Variants in ST13 observed in about 807,000 individuals in gnomAD.
ST13 encodes ST13 Hsp70 interacting protein.
ST13 carries 23 observed loss-of-function variants against 56.7 expected under a neutral mutation model. The ratio of observed to expected loss-of-function variants is 0.41; its 90% confidence interval spans 0.29 to 0.57. The LOEUF is 0.57. Among genes scored for constraint, ST13 ranks in the 20% least tolerant of loss-of-function variants. The pLI, the probability that ST13 is intolerant of heterozygous loss-of-function variation, is 0.36. For synonymous variants in ST13, 132 were observed against 142.4 expected, an observed-to-expected ratio of 0.93 and a Z score of 0.52; for missense variants, 369 against 459.9, an observed-to-expected ratio of 0.80 and a Z score of 1.81.
At chr22:40,854,255 G>A (rs956887079) in intron 1 of ST13, among the ~76,000 whole-genome samples, 1 of 152,162 alleles carries the variant, frequency 6.6e-6, no homozygotes. Context: ...GGCAGAGAGA[G>A]AAACTGACAC....
intron 4 of ST13, 91 bp downstream of exon 4, chr22:40,844,748 T>C (rs796912491): frequency 2.1e-5 from 24 of 1,119,162 alleles, no homozygotes; most frequent in South Asian, 5.6e-5. Context: ...ACTATGCGCT[T>C]TTCCTGGAAG....
chr22:40,832,554 T>G lies in ST13; in HGVS notation c.681+15A>C. The G allele has an allele frequency of 6.3e-7, 1 of 1,591,686 alleles. No individual in the cohort carries two copies. The highest frequency in any genetic ancestry group is 8.6e-7 in the Non-Finnish European group (1 of 1,163,104). Reference sequence around the variant, plus strand: ...TATTTAACTAATGACTTTCCCTTTCTCTACTTTGACATACCCTAGGTTGAA... The same window carrying G: ...TATTTAACTAATGACTTTCCCTTTCGCTACTTTGACATACCCTAGGTTGAA... On this transcript the variant is annotated intron_variant, in intron 8 of 11. Transcript: ENST00000216218.
At chr22:40,829,700 T>C (rs1418742360) in intron 9 of ST13, 26 bp from the exon 10 acceptor site, 35 of 1,366,764 alleles carry the variant, frequency 2.6e-5, no homozygotes, top group Non-Finnish European at 3.3e-5. Context: ...AAATAAATTA[T>C]ATAATAGAAG....
chr22:40,834,904 G>C (rs889557163), intron 7 of ST13, among the ~76,000 whole-genome samples: 1 of 152,164 alleles, frequency 6.6e-6, no homozygotes, highest in African/African-American at 2.4e-5. Flanking sequence ...TAATACAGTT[G>C]TCCTAAAAAC....
At chr22:40,832,401 C>G (rs576383691) in intron 8 of ST13, among the ~76,000 whole-genome samples, 168 bp downstream of exon 8, 1 of 152,300 alleles carries the variant, frequency 6.6e-6, no homozygotes, top group South Asian at 2.1e-4. Flanking sequence ...AGCATGAAAA[C>G]CTAATGAGAT....
At chr22:40,837,417 ACCAGC>A (rs1322213868) in intron 5 of ST13, among the ~76,000 whole-genome samples, 1 of 152,106 alleles carries the variant, frequency 6.6e-6, no homozygotes, top group Non-Finnish European at 1.5e-5. Context: ...GGAGTTCAAG[ACCAGC>A]CTGACCAACA....
At chr22:40,848,255 C>T (rs1231141543) in intron 3 of ST13, 39 bp downstream of exon 3, 1 of 1,434,700 alleles carries the variant, frequency 7.0e-7, no homozygotes, top group Non-Finnish European at 9.8e-7. Context: ...AGTATCACAT[C>T]ATAGGTTTTC....
chr22:40,827,736 G>A (rs2057735589), intron 10 of ST13, among the ~76,000 whole-genome samples: 1 of 151,838 alleles, frequency 6.6e-6, no homozygotes, highest in Non-Finnish European at 1.5e-5. Flanking sequence ...CCTGACCCCA[G>A]GTGACCTGCC....
At chr22:40,842,647 A>G (rs1449628638) in intron 4 of ST13, among the ~76,000 whole-genome samples, 2 of 152,246 alleles carry the variant, frequency 1.3e-5, no homozygotes, top group Non-Finnish European at 2.9e-5. Context: ...GAAGGAGGCA[A>G]TATTTAATAA....
intron 3 of ST13, 110 bp from the exon 4 acceptor site, chr22:40,845,019 G>A (rs1477923296): frequency 1.0e-5 from 7 of 696,086 alleles, no homozygotes; most frequent in Non-Finnish European, 1.6e-5. Flanking sequence ...ATTATTTTAA[G>A]TATTGATGCA....
At chr22:40,837,094 C>G (rs1315556513) in intron 5 of ST13, among the ~76,000 whole-genome samples, 1 of 152,222 alleles carries the variant, frequency 6.6e-6, no homozygotes, top group Admixed American at 6.5e-5. Context: ...GGGATTACCA[C>G]TGTGCCAGGC....
In ST13 at chr22:40,853,360, T is replaced by TA. The variant is rs544832874; in HGVS notation, c.111-2481dup. On this transcript the variant is annotated intron_variant, in intron 1 of 11. Transcript: ENST00000216218. The stretch of plus-strand genomic sequence containing the variant: ...ATTGTTGCAAAAAAAATAAAAACTT[T>TA]AAAAAAAAAAGAGGATTTACTCATA... 3.8e-4 allele frequency among the ~76,000 whole-genome samples: 56 copies of TA among 148,876 alleles called. 1 individual carries two copies. Among genetic ancestry groups the TA allele is most frequent in the South Asian group, 1.1e-3 (5 of 4,712 alleles).
chr22:40,827,699 T>A (rs575883549), intron 10 of ST13, among the ~76,000 whole-genome samples: 1 of 152,092 alleles, frequency 6.6e-6, no homozygotes, highest in African/African-American at 2.4e-5. Flanking sequence ...TATTTTTATA[T>A]CAAGTTGGCC....
At chr22:40,844,531 T>C (rs1362428318) in intron 4 of ST13, among the ~76,000 whole-genome samples, 1 of 152,166 alleles carries the variant, frequency 6.6e-6, no homozygotes, top group African/African-American at 2.4e-5. Flanking sequence ...CATTCTGTAA[T>C]ACAATTTGGC....
In ST13 at chr22:40,825,360, C is replaced by CATT. The variant is rs2057722767; in HGVS notation, c.*1177_*1178insAAT. On this transcript the variant is annotated 3_prime_UTR_variant, in exon 12 of 12. Transcript: ENST00000216218. ...ATCAATTTAATTCAAACCTTATCTT[C>CATT]AGAATACAAAGATGAATACTACAAG... 6.6e-6 allele frequency: 1 copy of CATT among 152,156 alleles called. No individual in the cohort carries two copies. The highest frequency in any genetic ancestry group is 6.6e-5 in the Admixed American group (1 of 15,262). The allele number at this position is 152,156 out of a possible 1,614,324, so 9.4% of individuals were successfully genotyped here. A position where few individuals can be genotyped will look rare whatever the true frequency, so the allele number is the denominator to read the frequency against.
chr22:40,837,895 G>A (rs963519155), intron 5 of ST13, among the ~76,000 whole-genome samples: 22 of 152,194 alleles, frequency 1.4e-4, no homozygotes, highest in South Asian at 6.2e-4. Context: ...AGATCCTTTC[G>A]CTTCGGCCCC....
At chr22:40,845,728 TATAC>T (rs2057827551) in intron 3 of ST13, among the ~76,000 whole-genome samples, 2 of 148,544 alleles carry the variant, frequency 1.3e-5, no homozygotes, top group African/African-American at 5.3e-5. Context: ...TTTATATATA[TATAC>T]ACACACACAC....
At chr22:40,835,212 A>C (rs1041698118) in intron 7 of ST13, among the ~76,000 whole-genome samples, 5 of 152,228 alleles carry the variant, frequency 3.3e-5, no homozygotes, top group African/African-American at 1.2e-4. Context: ...GACACTGATA[A>C]AAGATCATTC....
intron 4 of ST13, among the ~76,000 whole-genome samples, chr22:40,843,718 C>G (rs1366954627): frequency 6.6e-6 from 1 of 151,984 alleles, no homozygotes; most frequent in African/African-American, 2.4e-5. Context: ...ATATATGCAG[C>G]ACTAGCAACA....
Sources: gnomAD v4.1 joint callset for allele counts (sites outside exome capture counted in the v4.1 genomes callset) on GRCh38, gnomAD v4.1.1 for gene constraint, MANE v1.5 for transcripts, NCBI Gene and HGNC (gene_info 2026-07-23, HGNC 2026-07-21) for gene names.